Variants in HEATR6 observed in about 807,000 individuals in gnomAD.
HEATR6 encodes HEAT repeat containing 6.
A neutral mutation model predicts 132.8 loss-of-function variants in HEATR6; 106 were observed. The observed-to-expected ratio is 0.80, with a 90% CI of 0.68 to 0.94. The LOEUF (loss-of-function observed/expected upper bound fraction) is 0.94. HEATR6 is among the 40% of genes least tolerant of loss of function. The pLI is 0.00. For missense variants in HEATR6, 1,339 were observed against 1,425.1 expected, an observed-to-expected ratio of 0.94 and a Z score of 0.97; for synonymous variants, 529 against 537.8, an observed-to-expected ratio of 0.98 and a Z score of 0.23.
In HEATR6 at chr17:60,044,092, G is replaced by A. The variant is rs16943991; in HGVS notation, c.3017C>T (p.Ser1006Leu). The change falls in exon 20 of 20, where the codon TCG becomes TTG. Residue 1006 changes from serine to leucine, a missense_variant. By Grantham distance (145) the Ser-to-Leu change is moderately radical. Coordinates refer to ENST00000184956, the MANE Select transcript of HEATR6 (RefSeq NM_022070.5). ...WTSQAYNALT[S>L]VVTSCKNFKV... ...GAAGTTCTTGCATGATGTCACGACC[G>A]ATGTCAGGGCATTGTAGGCCTGGGA... is the stretch of plus-strand genomic sequence containing the variant. 0.069 allele frequency: 111,047 copies of A among 1,613,384 alleles called. 4,466 individuals carry two copies. The highest frequency in any genetic ancestry group is 0.17 in the African/African-American group (12,844 of 74,970).
chr17:60,047,672 TAAAAC>T (rs1906416553), intron 17 of HEATR6, among the ~76,000 whole-genome samples: 1 of 151,908 alleles, frequency 6.6e-6, no homozygotes, highest in East Asian at 1.9e-4. Context: ...GCCTAAAGAC[TAAAAC>T]AAATGTTCAG....
intron 11 of HEATR6, among the ~76,000 whole-genome samples, chr17:60,058,376 A>G (rs1906821539): frequency 6.6e-6 from 1 of 152,220 alleles, no homozygotes; most frequent in Non-Finnish European, 1.5e-5. Flanking sequence ...TTAATGAAAA[A>G]AAGTTACTTG....
rs1362277473 is a variant in HEATR6 at position 60,041,201 on chromosome 17, T to C, written c.*2362A>G. On this transcript the variant is annotated 3_prime_UTR_variant, in exon 20 of 20. Coordinates refer to ENST00000184956, the MANE Select transcript of HEATR6 (RefSeq NM_022070.5). ...AGCAGGTACCACTGCCTTCTGAAGT[T>C]TCTAGAGGTGCTATGCCTTCATTGT... Among the ~76,000 whole-genome samples the C allele has an allele frequency of 6.6e-6, 1 of 152,218 alleles. No individual in the cohort carries two copies. Among genetic ancestry groups the C allele is most frequent in the African/African-American group, 2.4e-5 (1 of 41,462 alleles).
At chr17:60,071,144 T>C (rs935180877) in intron 5 of HEATR6, among the ~76,000 whole-genome samples, 10 of 152,164 alleles carry the variant, frequency 6.6e-5, no homozygotes, top group Non-Finnish European at 1.2e-4. Flanking sequence ...CAGATCAGAA[T>C]TGGGAAAGCT....
Position 60,059,458 on chromosome 17 carries a change from CT to C in HEATR6, c.1686del (p.Val563SerfsTer5). Reference sequence around the variant, plus strand: ...ATATAAGGCTTTATCTGGTTCCAGACTTTGGTCAGCAGGCTGAGTTTTAGAC... The same window carrying C: ...ATATAAGGCTTTATCTGGTTCCAGACTTGGTCAGCAGGCTGAGTTTTAGAC... The part of the protein sequence containing the change: ...YDRLKLSLLT[K>X]VWNQIKPYIR... On this transcript the variant is annotated frameshift_variant, in exon 11 of 20. Coordinates refer to ENST00000184956, the MANE Select transcript of HEATR6 (RefSeq NM_022070.5). 1 of 1,613,732 alleles carries C rather than the reference CT, an allele frequency of 6.2e-7. No homozygotes were observed. Among genetic ancestry groups the C allele is most frequent in the Non-Finnish European group, 8.5e-7 (1 of 1,179,806 alleles).
chr17:60,062,605 T>C (rs7208618), intron 9 of HEATR6, among the ~76,000 whole-genome samples: 1,680 of 152,324 alleles, frequency 0.011, 31 homozygotes, highest in African/African-American at 0.037. Flanking sequence ...AGTAGGTACA[T>C]TGAAGTTTCC....
At chr17:60,058,535 G>T (rs1836850420) in intron 11 of HEATR6, among the ~76,000 whole-genome samples, 1 of 152,208 alleles carries the variant, frequency 6.6e-6, no homozygotes, top group African/African-American at 2.4e-5. Flanking sequence ...AAACCTTAGG[G>T]TAAGACTTAT....
chr17:60,059,376 C>A, intron 11 of HEATR6, 46 bp downstream of exon 11: 1 of 1,066,164 alleles, frequency 9.4e-7, no homozygotes, highest in Non-Finnish European at 1.4e-6. Context: ...TAATAGTCTG[C>A]ATCTGACTGA....
chr17:60,063,508 T>C (rs2083223036), intron 9 of HEATR6: 1 of 152,226 alleles, frequency 6.6e-6, no homozygotes, highest in African/African-American at 2.4e-5. Context: ...ATTTCCAACA[T>C]GGAAATGTGA....
rs988336382 is a variant in HEATR6, at chr17:60,078,685, G to T, written c.219+11C>A. ...GGGCCGGGGCCGGGGCCAGCAGGGC[G>T]CGCCGCCTACCTCCGGGGCCACGCC... On this transcript the variant is annotated intron_variant, in intron 1 of 19. Coordinates refer to ENST00000184956, the MANE Select transcript of HEATR6 (RefSeq NM_022070.5). The T allele has an allele frequency of 5.9e-6, 9 of 1,534,610 alleles. No homozygotes were observed. The highest frequency in any genetic ancestry group is 7.9e-6 in the Non-Finnish European group (9 of 1,141,966).
At chr17:60,050,732 C>T (rs756236182) in intron 15 of HEATR6, 111 bp downstream of exon 15, 18 of 1,301,444 alleles carry the variant, frequency 1.4e-5, no homozygotes, top group Admixed American at 6.0e-5. Flanking sequence ...GTAGAACTAG[C>T]GCCTTTTCAT....
intron 19 of HEATR6, among the ~76,000 whole-genome samples, chr17:60,044,854 A>T (rs1906308907): frequency 6.6e-6 from 1 of 152,154 alleles, no homozygotes; most frequent in African/African-American, 2.4e-5. Flanking sequence ...CATTTGGTGG[A>T]TGCCAGTGCC....
At chr17:60,049,121 G>C (rs1906492691) in intron 16 of HEATR6, among the ~76,000 whole-genome samples, 2 of 143,596 alleles carry the variant, frequency 1.4e-5, no homozygotes, top group Admixed American at 6.9e-5. Flanking sequence ...GAGAGACAGA[G>C]AGTGTGTGTG....
In HEATR6 at chr17:60,078,798, G is replaced by A. The variant is rs201146228; in HGVS notation, c.117C>T (p.Ala39=). The change falls in exon 1 of 20, where the codon GCC becomes GCT. Residue 39 remains alanine (A), a synonymous_variant. Coordinates refer to ENST00000184956, the MANE Select transcript of HEATR6 (RefSeq NM_022070.5). ...GFRLLSARLC[A]LRPDDSSSAR... ...CGGAGCTGCTGTCATCCGGGCGCAG[G>A]GCGCAGAGCCTGGCAGACAAGAGGC... 6.3e-7 allele frequency: 1 copy of A among 1,596,696 alleles called. No individual in the cohort carries two copies.
intron 4 of HEATR6, 48 bp from the exon 5 acceptor site, chr17:60,072,377 G>A (rs1218699860): frequency 1.8e-6 from 2 of 1,104,830 alleles, no homozygotes; most frequent in Non-Finnish European, 2.7e-6. Context: ...CCTTTAAAAT[G>A]AGGCTTGCAA....
chr17:60,061,944 G>C (rs78524350), intron 9 of HEATR6, among the ~76,000 whole-genome samples: 4,596 of 152,300 alleles, frequency 0.03, 98 homozygotes, highest in Non-Finnish European at 0.044. Context: ...ATGAACTAAT[G>C]TTCCAAAAGT....
At position 60,046,141 on chromosome 17, in the gene HEATR6, A is replaced by G. The variant is rs371496240; in HGVS notation, c.2858T>C (p.Ile953Thr). 14 of 1,613,832 alleles carry G rather than the reference A, an allele frequency of 8.7e-6. No individual in the cohort carries two copies. The highest frequency in any genetic ancestry group is 1.7e-5 in the Admixed American group (1 of 60,006). ...AATTAGGGCCTGGATAGACTCCTCAATGATTTCTGCAAATGTGGGTTTTTC... is the reference window on the plus strand; with the variant it reads ...AATTAGGGCCTGGATAGACTCCTCAGTGATTTCTGCAAATGTGGGTTTTTC... ...HIEKPTFAEI[I>T]EESIQALIST... The change falls in exon 19 of 20, where the codon ATT (isoleucine) becomes ACT (threonine). Residue 953 changes from isoleucine (I) to threonine (T), a missense_variant. Ile to Thr is a moderately conservative substitution (Grantham distance 89). Transcript: ENST00000184956.
At chr17:60,064,359 A>G (rs2083228540) in intron 9 of HEATR6, 1 of 158,138 alleles carries the variant, frequency 6.3e-6, no homozygotes, top group African/African-American at 2.4e-5. Flanking sequence ...ATCACCTACC[A>G]CAACACTTTT....
chr17:60,057,399 A>C lies in HEATR6; in HGVS notation c.1728T>G (p.Val576=), dbSNP rs1158434268. 6.3e-7 allele frequency: 1 copy of C among 1,580,126 alleles called. No individual in the cohort carries two copies. Among genetic ancestry groups the C allele is most frequent in the East Asian group, 2.2e-5 (1 of 44,570 alleles). Residue 576 remains valine, a synonymous_variant, in exon 12 of 20, where the codon GTT becomes GTG. Transcript: ENST00000184956. ...GTGTGAGACTTGACACACGAACATTAACATCTGTCAAAGGAAGCAGTAAGA... is the reference window on the plus strand; with the variant it reads ...GTGTGAGACTTGACACACGAACATTCACATCTGTCAAAGGAAGCAGTAAGA... ...QIKPYIRHKD[V]NVRVSSLTLL...
Sources: gnomAD v4.1 joint callset for allele counts (sites outside exome capture counted in the v4.1 genomes callset) on GRCh38, gnomAD v4.1.1 for gene constraint, MANE v1.5 for transcripts, NCBI Gene and HGNC (gene_info 2026-07-23, HGNC 2026-07-21) for gene names.